Variants in POFUT1 observed in about 807,000 individuals in gnomAD.
The protein encoded by POFUT1 is protein O-fucosyltransferase 1.
In POFUT1, 16 loss-of-function variants were observed where a neutral mutation model predicts 42.4. That is an observed-to-expected ratio of 0.38 (90% CI 0.26 to 0.57). POFUT1 has a LOEUF of 0.57. Among genes scored for constraint, POFUT1 ranks in the 20% least tolerant of loss-of-function variants. The pLI, the probability that POFUT1 is intolerant of heterozygous loss-of-function variation, is 0.71. For missense variants in POFUT1, 470 were observed against 504.6 expected (o/e 0.93, Z 0.66); for synonymous variants, 206 against 205.4 (o/e 1.00, Z -0.03).
chr20:32,226,348 T>G (rs2047414686), intron 4 of POFUT1, among the ~76,000 whole-genome samples: 1 of 152,200 alleles, frequency 6.6e-6, no homozygotes, highest in Admixed American at 6.5e-5. Flanking sequence ...GGTAACATTT[T>G]GCAAAACTAT....
Position 32,208,022 on chromosome 20 carries a change from C to A in POFUT1, c.81C>A (p.Gly27=). The change falls in exon 1 of 7, where the codon GGC becomes GGA. Residue 27 remains glycine, a synonymous_variant. Transcript: ENST00000375749. ...LLLPLPGMPA[G]SWDPAGYLLY... ...TGCCGCTCCCGGGGATGCCTGCGGG[C>A]TCCTGGGACCCGGCCGGTTACCTGC... 1 of 1,576,800 alleles carries A rather than the reference C, an allele frequency of 6.3e-7. No homozygotes were observed. Among genetic ancestry groups the A allele is most frequent in the Admixed American group, 1.8e-5 (1 of 56,118 alleles).
At chr20:32,208,685 T>G (rs182443273) in intron 1 of POFUT1, among the ~76,000 whole-genome samples, 94 of 143,566 alleles carry the variant, frequency 6.5e-4, no homozygotes, top group African/African-American at 2.4e-3. Context: ...GAGCGTGGTA[T>G]CGTGTGCTTG....
chr20:32,224,369 G>C (rs1317855961), intron 4 of POFUT1, among the ~76,000 whole-genome samples: 2 of 152,048 alleles, frequency 1.3e-5, no homozygotes, highest in African/African-American at 4.8e-5. Context: ...TCCAGCCTGG[G>C]TGACAGAGCA....
chr20:32,216,892 G>A (rs1432033449), intron 4 of POFUT1, 171 bp downstream of exon 4: 5 of 1,537,106 alleles, frequency 3.3e-6, no homozygotes, highest in Admixed American at 1.9e-5. Flanking sequence ...CCATGTCCAC[G>A]CCTGACACGG....
chr20:32,234,454 T>G lies in POFUT1; in HGVS notation c.979-19T>G. ...CCTGTAGCCACCCCAGCTTATATGC[T>G]CTGTGCTTCTTCCTGCAGGTGAAGG... On this transcript the variant is annotated intron_variant, in intron 6 of 6. Transcript: ENST00000375749. 1 of 1,587,138 alleles carries G rather than the reference T, an allele frequency of 6.3e-7. No homozygotes were observed. The highest frequency in any genetic ancestry group is 8.6e-7 in the Non-Finnish European group (1 of 1,165,880).
chr20:32,213,104 TC>T (rs532473843), intron 2 of POFUT1, among the ~76,000 whole-genome samples: 240 of 151,660 alleles, frequency 1.6e-3, no homozygotes, highest in Non-Finnish European at 2.6e-3. Flanking sequence ...CAGAGTGGTC[TC>T]CAACTCCTGA....
chr20:32,217,432 C>T lies in POFUT1; in HGVS notation c.542+711C>T, dbSNP rs145424613. ...CATACTAATTCATGTGCGGTCAAAG[C>T]ACTTGGCATTTAATAGGGCAAAGGT... On this transcript the variant is annotated intron_variant, in intron 4 of 6. Coordinates refer to ENST00000375749, the MANE Select transcript of POFUT1 (RefSeq NM_015352.2). The T allele has an allele frequency of 2.4e-4, 246 of 1,012,142 alleles. No homozygotes were observed. In the Middle Eastern group the frequency reaches 3.0e-3, roughly 12 times the overall value. 62.7% of individuals were successfully genotyped at this position (1,012,142 alleles called of 1,614,324 possible). A position where few individuals can be genotyped will look rare whatever the true frequency, so the allele number is the denominator to read the frequency against.
chr20:32,219,642 G>T (rs544086816), intron 4 of POFUT1, among the ~76,000 whole-genome samples: 1 of 151,452 alleles, frequency 6.6e-6, no homozygotes, highest in Middle Eastern at 3.2e-3. Context: ...GACTACAGGC[G>T]CCCGCCACCA....
At chr20:32,231,137 A>G in intron 6 of POFUT1, 76 bp downstream of exon 6, 2 of 1,514,592 alleles carry the variant, frequency 1.3e-6, no homozygotes, top group Non-Finnish European at 1.8e-6. Context: ...TGCCCACTGC[A>G]TGCTTCACGG....
chr20:32,210,026 C>T (rs74183482), intron 1 of POFUT1, 45 bp from the exon 2 acceptor site: 4 of 1,613,258 alleles, frequency 2.5e-6, no homozygotes, highest in Non-Finnish European at 2.5e-6. Context: ...GCTCTATGCC[C>T]TCCATGCCCC....
At chr20:32,209,851 A>G (rs2047317592) in intron 1 of POFUT1, among the ~76,000 whole-genome samples, 2 of 152,170 alleles carry the variant, frequency 1.3e-5, no homozygotes, top group Admixed American at 6.5e-5. Flanking sequence ...TGTTGGGGAA[A>G]CAGCAAGAAA....
intron 2 of POFUT1, among the ~76,000 whole-genome samples, chr20:32,210,922 C>T (rs2047324455): frequency 6.6e-6 from 1 of 152,188 alleles, no homozygotes; most frequent in South Asian, 2.1e-4. Context: ...TTCTTACAAC[C>T]TTTTCTCTGC....
At chr20:32,219,544 CTG>C (rs1193747766) in intron 4 of POFUT1, among the ~76,000 whole-genome samples, 1 of 142,284 alleles carries the variant, frequency 7.0e-6, no homozygotes, top group Non-Finnish European at 1.5e-5. Flanking sequence ...GAATCTCACT[CTG>C]TCACCAAGGC....
At chr20:32,225,986 C>T (rs6119778) in intron 4 of POFUT1, among the ~76,000 whole-genome samples, 32,998 of 151,984 alleles carry the variant, frequency 0.22, 4,263 homozygotes, top group African/African-American at 0.35. Flanking sequence ...ATAGAAAGCA[C>T]GCAGAAGAAC....
chr20:32,227,345 C>T (rs1273015231), intron 4 of POFUT1, among the ~76,000 whole-genome samples: 2 of 151,972 alleles, frequency 1.3e-5, no homozygotes, highest in South Asian at 2.1e-4. Context: ...GGCGAAACCC[C>T]GTCTCTACAA....
intron 4 of POFUT1, chr20:32,217,025 G>A (rs752572308): frequency 1.9e-6 from 3 of 1,613,842 alleles, no homozygotes; most frequent in African/African-American, 2.7e-5. Flanking sequence ...AATCACTCCT[G>A]TGTTACCTTA....
intron 5 of POFUT1, among the ~76,000 whole-genome samples, chr20:32,229,273 GC>G (rs1414001260): frequency 6.6e-6 from 1 of 152,160 alleles, no homozygotes; most frequent in Non-Finnish European, 1.5e-5. Context: ...GAAAATTATA[GC>G]CTGTTCTTGC....
chr20:32,208,039 G>T lies in POFUT1; in HGVS notation c.98G>T (p.Gly33Val). The T allele has an allele frequency of 6.4e-7, 1 of 1,568,404 alleles. No individual in the cohort carries two copies. The highest frequency in any genetic ancestry group is 8.6e-7 in the Non-Finnish European group (1 of 1,161,044). The change falls in exon 1 of 7, where the codon GGT (glycine) becomes GTT (valine). Residue 33 changes from glycine to valine, a missense_variant. By Grantham distance (109) the Gly-to-Val change is moderately radical. Coordinates refer to ENST00000375749, the MANE Select transcript of POFUT1 (RefSeq NM_015352.2). ...CCTGCGGGCTCCTGGGACCCGGCCG[G>T]TTACCTGCTCTACTGCCCCTGCATG... ...GMPAGSWDPA[G>V]YLLYCPCMGR...
chr20:32,216,837 G>T (rs149967641), intron 4 of POFUT1, 116 bp downstream of exon 4: 1 of 1,392,884 alleles, frequency 7.2e-7, no homozygotes, highest in Non-Finnish European at 9.9e-7. Context: ...GACCAAAGGT[G>T]CAGGTGCTCT....
Sources: gnomAD v4.1 joint callset for allele counts (sites outside exome capture counted in the v4.1 genomes callset) on GRCh38, gnomAD v4.1.1 for gene constraint, MANE v1.5 for transcripts, NCBI Gene and HGNC (gene_info 2026-07-23, HGNC 2026-07-21) for gene names.